Variants in MAPK10 observed in about 807,000 individuals in gnomAD.
MAPK10 encodes mitogen-activated protein kinase 10.
MAPK10 carries 25 observed loss-of-function variants against 59.3 expected under a neutral mutation model. The observed-to-expected ratio is 0.42, with a 90% CI of 0.31 to 0.59. The LOEUF (loss-of-function observed/expected upper bound fraction) is 0.59. MAPK10 is among the 20% of genes least tolerant of loss of function. MAPK10 has a pLI of 0.15. For missense variants in MAPK10, 351 were observed against 568.9 expected, an observed-to-expected ratio of 0.62 and a Z score of 3.90; for synonymous variants, 190 against 200.5, an observed-to-expected ratio of 0.95 and a Z score of 0.44.
intron 1 of MAPK10, among the ~76,000 whole-genome samples, chr4:86,573,653 G>A (rs935064448): frequency 1.3e-5 from 2 of 152,096 alleles, no homozygotes; most frequent in African/African-American, 4.8e-5. Flanking sequence ...GATTGAAATT[G>A]CACAGATTCT....
At chr4:86,247,988 C>T (rs2093204595) in intron 2 of MAPK10, among the ~76,000 whole-genome samples, 2 of 152,158 alleles carry the variant, frequency 1.3e-5, no homozygotes, top group African/African-American at 2.4e-5. Flanking sequence ...TATCAAGTAG[C>T]TGGACACTTT....
chr4:86,427,556 C>T (rs1169334012), intron 1 of MAPK10, among the ~76,000 whole-genome samples: 2 of 151,976 alleles, frequency 1.3e-5, no homozygotes, highest in African/African-American at 4.8e-5. Context: ...ACATCAGGTG[C>T]CCAATGAATG....
At chr4:86,279,833 G>C (rs1367373495) in intron 2 of MAPK10, among the ~76,000 whole-genome samples, 3 of 152,158 alleles carry the variant, frequency 2.0e-5, no homozygotes, top group Non-Finnish European at 4.4e-5. Context: ...AAATCAGGCT[G>C]TGAGCTTCTC....
chr4:86,047,034 GT>G lies in MAPK10; in HGVS notation c.1111-15604del, dbSNP rs1447499453. ...AGTACTATTCTATTTTTTCTTTTTA[GT>G]TTTTTTCTTTTTGTTTTTGTTTTAC... is the stretch of plus-strand genomic sequence containing the variant. On this transcript the variant is annotated intron_variant, in intron 11 of 13. Transcript: ENST00000641462. 4.6e-5 allele frequency among the ~76,000 whole-genome samples: 7 copies of G among 152,034 alleles called. No individual in the cohort carries two copies. In the East Asian group the frequency reaches 1.2e-3, roughly 25 times the overall value.
intron 2 of MAPK10, among the ~76,000 whole-genome samples, chr4:86,224,855 C>A (rs2090332947): frequency 6.6e-6 from 1 of 152,054 alleles, no homozygotes; most frequent in Non-Finnish European, 1.5e-5. Flanking sequence ...ATGAGACTAG[C>A]CTTACTATTC....
At chr4:86,467,347 G>T (rs1353010612) in intron 1 of MAPK10, among the ~76,000 whole-genome samples, 2 of 152,246 alleles carry the variant, frequency 1.3e-5, no homozygotes, top group East Asian at 3.9e-4. Context: ...AGAAAGATAA[G>T]GAAATAAAAT....
rs1742098830 is a variant in MAPK10, at chr4:86,013,570, T to C, written c.*3658A>G. 6.6e-6 allele frequency: 1 copy of C among 152,204 alleles called. No individual in the cohort carries two copies. The highest frequency in any genetic ancestry group is 1.5e-5 in the Non-Finnish European group (1 of 68,024). 9.4% of individuals were successfully genotyped at this position (152,204 alleles called of 1,614,324 possible). On this transcript the variant is annotated 3_prime_UTR_variant, in exon 14 of 14. Coordinates refer to ENST00000641462, the MANE Select transcript of MAPK10 (RefSeq NM_138982.4). ...ATAATTTAGGTTTTGCAATGAATAT[T>C]TACAATTTTAAAACAAATCAAGTTT... is the stretch of plus-strand genomic sequence containing the variant.
intron 13 of MAPK10, chr4:86,025,488 G>A (rs1275511462): frequency 1.5e-5 from 6 of 398,212 alleles, no homozygotes; most frequent in Admixed American, 4.4e-5. Flanking sequence ...AGCAGTTTGC[G>A]AAAATCTCTT....
At chr4:86,151,823 T>A (rs1166923489) in intron 4 of MAPK10, among the ~76,000 whole-genome samples, 1 of 152,248 alleles carries the variant, frequency 6.6e-6, no homozygotes, top group Non-Finnish European at 1.5e-5. Context: ...TATTTGCATT[T>A]TCTTCAGGTG....
intron 1 of MAPK10, among the ~76,000 whole-genome samples, chr4:86,491,551 T>C (rs951836979): frequency 2.0e-5 from 3 of 152,218 alleles, no homozygotes; most frequent in Non-Finnish European, 4.4e-5. Context: ...CGCAGGATAT[T>C]ATCTCCTAGC....
At chr4:86,515,075 C>T (rs1464051519) in intron 1 of MAPK10, among the ~76,000 whole-genome samples, 2 of 152,104 alleles carry the variant, frequency 1.3e-5, no homozygotes, top group Non-Finnish European at 2.9e-5. Flanking sequence ...GCTTATTTCT[C>T]ACTTATAAGT....
intron 11 of MAPK10, among the ~76,000 whole-genome samples, chr4:86,038,644 A>C (rs1342025361): frequency 6.6e-6 from 1 of 152,162 alleles, no homozygotes; most frequent in Non-Finnish European, 1.5e-5. Context: ...ACTCTGATGA[A>C]GCACAAAATG....
intron 1 of MAPK10, among the ~76,000 whole-genome samples, chr4:86,477,206 T>C (rs1044883276): frequency 2.3e-4 from 35 of 152,278 alleles, no homozygotes; most frequent in African/African-American, 7.5e-4. Context: ...AGGGCCTGTT[T>C]CCCTTGCCTC....
At chr4:86,089,386 G>T in intron 9 of MAPK10, 1 of 710,918 alleles carries the variant, frequency 1.4e-6, no homozygotes, top group Non-Finnish European at 2.4e-6. Flanking sequence ...ACTTTTCACT[G>T]ACTGGATGAG....
At chr4:86,536,345 T>G (rs1277030138) in intron 1 of MAPK10, among the ~76,000 whole-genome samples, 1 of 152,230 alleles carries the variant, frequency 6.6e-6, no homozygotes, top group Non-Finnish European at 1.5e-5. Context: ...AGGGCTTTTT[T>G]GTTTATTTTT....
chr4:86,183,175 C>T (rs892395842), intron 3 of MAPK10, among the ~76,000 whole-genome samples: 12 of 151,800 alleles, frequency 7.9e-5, no homozygotes, highest in African/African-American at 2.4e-4. Context: ...TTTTAGGGTA[C>T]ATGTGCACAT....
chr4:86,175,252 C>T (rs768690426), intron 3 of MAPK10, among the ~76,000 whole-genome samples: 1 of 152,278 alleles, frequency 6.6e-6, no homozygotes, highest in South Asian at 2.1e-4. Context: ...ACTAACTCAT[C>T]TCTAAAATAT....
intron 2 of MAPK10, among the ~76,000 whole-genome samples, chr4:86,230,924 C>T (rs1222716434): frequency 6.6e-6 from 1 of 152,122 alleles, no homozygotes; most frequent in Non-Finnish European, 1.5e-5. Flanking sequence ...GGCAATTTAA[C>T]AGCTCTGGGA....
chr4:86,218,206 T>C (rs1051400773), intron 2 of MAPK10, among the ~76,000 whole-genome samples: 1 of 152,192 alleles, frequency 6.6e-6, no homozygotes, highest in African/African-American at 2.4e-5. Flanking sequence ...AGGCTTATTA[T>C]TTATTTATTT....
Sources: allele counts gnomAD v4.1 joint callset (sites outside exome capture counted in the v4.1 genomes callset), GRCh38; gene constraint gnomAD v4.1.1; transcripts MANE v1.5; gene names NCBI Gene and HGNC (gene_info 2026-07-23, HGNC 2026-07-21).